Variants in MTIF2 observed in about 807,000 individuals in gnomAD.
MTIF2 encodes translation initiation factor IF-2, mitochondrial.
MTIF2 carries 71 observed loss-of-function variants against 83.5 expected under a neutral mutation model. The observed-to-expected ratio is 0.85, with a 90% CI of 0.70 to 1.04. The LOEUF (loss-of-function observed/expected upper bound fraction) is 1.04, where lower values mean the gene tolerates loss of function less well. Among genes scored for constraint, MTIF2 ranks in the 50% least tolerant of loss-of-function variants. The pLI, the probability that MTIF2 is intolerant of heterozygous loss-of-function variation, is 0.00. For missense variants in MTIF2, 957 were observed against 846.5 expected, an observed-to-expected ratio of 1.13 and a Z score of -1.62; for synonymous variants, 319 against 287.1, an observed-to-expected ratio of 1.11 and a Z score of -1.12.
chr2:55,240,162 G>A lies in MTIF2; in HGVS notation c.1719C>T (p.Gly573=). Residue 573 remains glycine, a synonymous_variant, in exon 14 of 16, where the codon GGC becomes GGT. Coordinates refer to ENST00000263629, the MANE Select transcript of MTIF2 (RefSeq NM_002453.3). ...TAACATTGCCTGCATTCACATTAAA[G>A]CCATATATAACACCTAGCAAACAGA... The part of the protein sequence containing the change: ...LAETFDGVIY[G]FNVNAGNVIQ... 1.9e-6 allele frequency: 3 copies of A among 1,612,850 alleles called. No individual in the cohort carries two copies. Among genetic ancestry groups the A allele is most frequent in the Non-Finnish European group, 2.5e-6 (3 of 1,179,084 alleles).
At chr2:55,249,653 T>A in intron 8 of MTIF2, 119 bp from the exon 9 acceptor site, 1 of 1,262,686 alleles carries the variant, frequency 7.9e-7, no homozygotes, top group Non-Finnish European at 1.1e-6. Flanking sequence ...TGTTTTTATC[T>A]AACAAAAGGC....
intron 8 of MTIF2, among the ~76,000 whole-genome samples, chr2:55,250,071 C>T (rs1676984166): frequency 2.0e-5 from 3 of 152,110 alleles, no homozygotes. Context: ...CCAGCATGGG[C>T]AACAGAGCGA....
chr2:55,266,819 G>A (rs1285450620), intron 3 of MTIF2, among the ~76,000 whole-genome samples: 1 of 139,318 alleles, frequency 7.2e-6, no homozygotes, highest in Admixed American at 7.6e-5. Flanking sequence ...CCAGGGTGGA[G>A]TTCAGTGGTG....
chr2:55,239,216 A>G (rs1416648868), intron 14 of MTIF2, among the ~76,000 whole-genome samples: 2 of 152,248 alleles, frequency 1.3e-5, no homozygotes, highest in Non-Finnish European at 2.9e-5. Context: ...CATTGTACAA[A>G]TAAGTGTTAA....
rs758743090 is a variant in MTIF2, at chr2:55,240,113, C to CT, written c.1767dup (p.Gly590ArgfsTer5). ...ATTTTGTGAAGTTTAATTTTTACTC[C>CT]TTTTTTTGCAGCTGACTGTTGGATA... On this transcript the variant is annotated frameshift_variant, in exon 14 of 16. Coordinates refer to ENST00000263629, the MANE Select transcript of MTIF2 (RefSeq NM_002453.3). LOFTEE classifies it high-confidence loss of function. 2 of 1,613,774 alleles carry CT rather than the reference C, an allele frequency of 1.2e-6. No individual in the cohort carries two copies. The highest frequency in any genetic ancestry group is 1.7e-6 in the Non-Finnish European group (2 of 1,179,886).
rs1420948185 is a variant in MTIF2 at position 55,237,565 on chromosome 2, T to C, written c.1871-137A>G. 4.4e-5 allele frequency: 27 copies of C among 616,330 alleles called. 1 individual carries two copies. Among genetic ancestry groups the C allele is most frequent in the Admixed American group, 1.6e-4 (4 of 25,774 alleles). The allele number at this position is 616,330 out of a possible 1,614,324, so 38.2% of individuals were successfully genotyped here. A position where few individuals can be genotyped will look rare whatever the true frequency, so the allele number is the denominator to read the frequency against. ...TGCCTAGAAAAAAGTCTGGGTTTCT[T>C]TAACTCCAATTTTATTTTCCTGACC... On this transcript the variant is annotated intron_variant, in intron 14 of 15. Coordinates refer to ENST00000263629, the MANE Select transcript of MTIF2 (RefSeq NM_002453.3).
At chr2:55,263,564 C>T (rs1358666781) in intron 4 of MTIF2, 76 bp downstream of exon 4, 24 of 1,144,228 alleles carry the variant, frequency 2.1e-5, no homozygotes, top group East Asian at 5.0e-5. Context: ...GAGCTGAGAT[C>T]GCGCCACGGC....
chr2:55,253,625 G>A (rs1312976083), intron 7 of MTIF2, among the ~76,000 whole-genome samples: 1 of 151,848 alleles, frequency 6.6e-6, no homozygotes, highest in African/African-American at 2.4e-5. Flanking sequence ...GACCAGCCTG[G>A]CCAACATGGG....
At chr2:55,264,801 T>G (rs930389741) in intron 3 of MTIF2, among the ~76,000 whole-genome samples, 1 of 152,154 alleles carries the variant, frequency 6.6e-6, no homozygotes, top group South Asian at 2.1e-4. Context: ...AAAGAAGAGT[T>G]TTTTTGAGAA....
intron 4 of MTIF2, among the ~76,000 whole-genome samples, chr2:55,262,782 G>A (rs568629842): frequency 1.3e-5 from 2 of 151,872 alleles, no homozygotes; most frequent in South Asian, 2.1e-4. Context: ...AGGCTGGAGT[G>A]CAGTGGCACA....
intron 4 of MTIF2, among the ~76,000 whole-genome samples, chr2:55,263,061 C>T (rs1678158039): frequency 1.3e-5 from 2 of 152,034 alleles, no homozygotes; most frequent in South Asian, 4.1e-4. Context: ...TGGGGTTTCA[C>T]CATGTTGGCC....
intron 14 of MTIF2, among the ~76,000 whole-genome samples, chr2:55,237,733 C>T (rs1459548471): frequency 1.4e-5 from 2 of 147,198 alleles, no homozygotes; most frequent in East Asian, 2.0e-4. Flanking sequence ...TCACTGCAAC[C>T]TCCACCTCCG....
chr2:55,237,412 T>A lies in MTIF2; in HGVS notation c.1887A>T (p.Leu629=). 6.2e-7 allele frequency: 1 copy of A among 1,611,802 alleles called. No individual in the cohort carries two copies. Among genetic ancestry groups the A allele is most frequent in the Non-Finnish European group, 8.5e-7 (1 of 1,179,574 alleles). Residue 629 remains leucine, a synonymous_variant, in exon 15 of 16, where the codon CTA becomes CTT. Transcript: ENST00000263629. Reference sequence around the variant, plus strand: ...TCCCTTCTGTTACAGAGAAGGTAGCTAGTATAGATGCCTCACCTTTAGGAA... The same window carrying A: ...TCCCTTCTGTTACAGAGAAGGTAGCAAGTATAGATGCCTCACCTTTAGGAA... ...EEHPVGEASI[L]ATFSVTEGKK...
chr2:55,261,161 T>A (rs72799507), intron 5 of MTIF2, among the ~76,000 whole-genome samples: 1 of 151,686 alleles, frequency 6.6e-6, no homozygotes, highest in Non-Finnish European at 1.5e-5. Context: ...TAATTTTTTT[T>A]GTATTTTTAG....
chr2:55,253,857 C>T (rs2864826), intron 7 of MTIF2, among the ~76,000 whole-genome samples, 184 bp downstream of exon 7: 105,349 of 151,682 alleles, frequency 0.69, 37,916 homozygotes, highest in Non-Finnish European at 0.79. Flanking sequence ...TTAACACAAT[C>T]TTCTTCTTAT....
At chr2:55,261,705 G>A (rs977834049) in intron 5 of MTIF2, among the ~76,000 whole-genome samples, 9 of 151,942 alleles carry the variant, frequency 5.9e-5, no homozygotes, top group African/African-American at 1.9e-4. Context: ...TTGGGAGGTT[G>A]AGGCAGAAGG....
chr2:55,252,673 A>G lies in MTIF2; in HGVS notation c.665-20T>C. The G allele has an allele frequency of 2.5e-6, 4 of 1,597,084 alleles. No homozygotes were observed. Among genetic ancestry groups the G allele is most frequent in the Non-Finnish European group, 3.4e-6 (4 of 1,168,282 alleles). On this transcript the variant is annotated intron_variant, in intron 7 of 15. Coordinates refer to ENST00000263629, the MANE Select transcript of MTIF2 (RefSeq NM_002453.3). ...GAGAGACTGTGGAAACAGAAATTCA[A>G]GAACATCAAGGATTCAAACATGTAC...
intron 5 of MTIF2, among the ~76,000 whole-genome samples, chr2:55,258,549 C>A (rs1677716866): frequency 6.6e-6 from 1 of 151,978 alleles, no homozygotes; most frequent in African/African-American, 2.4e-5. Flanking sequence ...CAGTAGCTCA[C>A]GTCTGTAATC....
chr2:55,245,586 G>A (rs1002988106), intron 10 of MTIF2, among the ~76,000 whole-genome samples: 4 of 152,122 alleles, frequency 2.6e-5, no homozygotes, highest in Non-Finnish European at 4.4e-5. Flanking sequence ...AAGGGCTCAG[G>A]AGAGGGACAA....
Sources: allele counts gnomAD v4.1 joint callset (sites outside exome capture counted in the v4.1 genomes callset), GRCh38; gene constraint gnomAD v4.1.1; transcripts MANE v1.5; gene names NCBI Gene and HGNC (gene_info 2026-07-23, HGNC 2026-07-21).